Variants in CNTN5 observed in about 807,000 individuals in gnomAD.
The protein encoded by CNTN5 is contactin 5.
In CNTN5, 77 loss-of-function variants were observed where a neutral mutation model predicts 129.1. That is an observed-to-expected ratio of 0.60 (90% CI 0.50 to 0.72). CNTN5 has a LOEUF of 0.72. Among genes scored for constraint, CNTN5 ranks in the 30% least tolerant of loss-of-function variants. The probability of loss-of-function intolerance (pLI) is 0.00; values close to 1 mark genes in which losing one functional copy is unlikely to be tolerated. For missense variants in CNTN5, 1,478 were observed against 1,328.8 expected (o/e 1.11, Z -1.75); for synonymous variants, 509 against 465.6 (o/e 1.09, Z -1.20).
chr11:99,569,554 C>T (rs559252770), intron 3 of CNTN5, among the ~76,000 whole-genome samples: 6 of 152,194 alleles, frequency 3.9e-5, no homozygotes, highest in Admixed American at 2.0e-4. Context: ...CCTTGTGGTC[C>T]GCCTGCCTCG....
chr11:100,246,006 C>T (rs1949833141), intron 16 of CNTN5, among the ~76,000 whole-genome samples: 1 of 151,918 alleles, frequency 6.6e-6, no homozygotes, highest in South Asian at 2.1e-4. Flanking sequence ...TTATAAGCTC[C>T]CCAGATGGTA....
At chr11:99,258,039 C>G (rs1020882647) in intron 1 of CNTN5, among the ~76,000 whole-genome samples, 1 of 151,980 alleles carries the variant, frequency 6.6e-6, no homozygotes, top group Non-Finnish European at 1.5e-5. Context: ...GCCTTTCTCC[C>G]CCTGAACACC....
chr11:99,833,178 T>C (rs1024107244), intron 4 of CNTN5, among the ~76,000 whole-genome samples: 2 of 152,114 alleles, frequency 1.3e-5, no homozygotes, highest in Non-Finnish European at 2.9e-5. Flanking sequence ...ATGAAGGAAG[T>C]TATAAAGTTA....
Position 99,536,122 on chromosome 11 carries a change from GTCTT to G in CNTN5, c.-70-20016_-70-20013del, listed in dbSNP as rs947043161. Among the ~76,000 whole-genome samples, 8 of 152,178 alleles carry G rather than the reference GTCTT, an allele frequency of 5.3e-5. No individual in the cohort carries two copies. In the East Asian group the frequency reaches 1.5e-3, roughly 29 times the overall value. The stretch of plus-strand genomic sequence containing the variant: ...AAATATTAACTGATGAAACTGCAAT[GTCTT>G]TCTTTCAACCTCAGAAGCTAAGTAT... On this transcript the variant is annotated intron_variant, in intron 2 of 24. Transcript: ENST00000524871.
At chr11:99,616,428 C>T (rs181384952) in intron 3 of CNTN5, among the ~76,000 whole-genome samples, 54 of 152,236 alleles carry the variant, frequency 3.5e-4, no homozygotes, top group Non-Finnish European at 3.8e-4. Context: ...CCATGTACTT[C>T]ATGGTGTTAT....
chr11:99,955,131 T>C (rs1193375515), intron 7 of CNTN5, among the ~76,000 whole-genome samples: 4 of 151,076 alleles, frequency 2.6e-5, no homozygotes, highest in African/African-American at 4.8e-5. Flanking sequence ...TTTAGTAAAA[T>C]AATAAAAAAA....
intron 9 of CNTN5, among the ~76,000 whole-genome samples, chr11:100,005,044 T>C (rs1372565251): frequency 6.6e-6 from 1 of 152,090 alleles, no homozygotes; most frequent in East Asian, 1.9e-4. Flanking sequence ...GAAAACAGAA[T>C]AGCCAGCACT....
At chr11:99,189,158 C>T (rs974923879) in intron 1 of CNTN5, among the ~76,000 whole-genome samples, 43 of 151,720 alleles carry the variant, frequency 2.8e-4, no homozygotes, top group African/African-American at 9.2e-4. Flanking sequence ...ACACAAATAA[C>T]AGGATTTCTT....
chr11:99,817,999 T>C (rs1290196726), intron 3 of CNTN5, among the ~76,000 whole-genome samples: 1 of 152,172 alleles, frequency 6.6e-6, no homozygotes, highest in Non-Finnish European at 1.5e-5. Flanking sequence ...ATATACTTTT[T>C]AGAGTTTCAG....
intron 8 of CNTN5, among the ~76,000 whole-genome samples, chr11:99,999,106 C>T (rs1939672208): frequency 6.6e-6 from 1 of 151,956 alleles, no homozygotes; most frequent in Non-Finnish European, 1.5e-5. Context: ...GCAAGGACTT[C>T]ATGTCTAAAA....
At chr11:100,077,610 C>G (rs889011523) in intron 13 of CNTN5, among the ~76,000 whole-genome samples, 1 of 151,944 alleles carries the variant, frequency 6.6e-6, no homozygotes, top group Non-Finnish European at 1.5e-5. Flanking sequence ...CACTTGAGCC[C>G]AGGAGTTTGA....
intron 2 of CNTN5, among the ~76,000 whole-genome samples, chr11:99,511,174 G>T (rs921338125): frequency 6.6e-6 from 1 of 152,046 alleles, no homozygotes; most frequent in African/African-American, 2.4e-5. Flanking sequence ...TCTCTTGTGA[G>T]CATTTAGTGC....
At chr11:100,330,810 AG>A (rs1378688268) in intron 21 of CNTN5, among the ~76,000 whole-genome samples, 2 of 152,224 alleles carry the variant, frequency 1.3e-5, no homozygotes, top group African/African-American at 4.8e-5. Context: ...CAGCGCTACA[AG>A]AACTGCTAAA....
At chr11:100,302,418 C>G (rs2138900979) in intron 20 of CNTN5, among the ~76,000 whole-genome samples, 2 of 151,720 alleles carry the variant, frequency 1.3e-5, no homozygotes, top group Admixed American at 1.3e-4. Context: ...ATCCTGCTTC[C>G]TTATTCTTCC....
intron 1 of CNTN5, among the ~76,000 whole-genome samples, chr11:99,264,782 G>A (rs188973777): frequency 6.6e-6 from 1 of 152,082 alleles, no homozygotes; most frequent in East Asian, 1.9e-4. Context: ...ATAAGATATT[G>A]TCCAAGAACA....
At chr11:99,983,502 TATTGAAAAGG>T (rs201567068) in intron 8 of CNTN5, among the ~76,000 whole-genome samples, 10,667 of 152,276 alleles carry the variant, frequency 0.07, 772 homozygotes, top group East Asian at 0.31. Flanking sequence ...CTTTAATTAG[TATTGAAAAGG>T]TTTGTTATTT....
chr11:99,492,704 T>A (rs1388486195), intron 2 of CNTN5, among the ~76,000 whole-genome samples: 1 of 152,122 alleles, frequency 6.6e-6, no homozygotes, highest in Non-Finnish European at 1.5e-5. Context: ...ACAAATTCAT[T>A]CAATGTCATG....
At chr11:99,920,036 C>A (rs1949897498) in intron 7 of CNTN5, among the ~76,000 whole-genome samples, 1 of 151,964 alleles carries the variant, frequency 6.6e-6, no homozygotes, top group South Asian at 2.1e-4. Flanking sequence ...TTTTACTGGG[C>A]AGAATCTGAG....
At chr11:99,430,330 G>A (rs1046432898) in intron 2 of CNTN5, among the ~76,000 whole-genome samples, 3 of 151,454 alleles carry the variant, frequency 2.0e-5, no homozygotes, top group African/African-American at 7.3e-5. Flanking sequence ...CGAAAAGCAA[G>A]ATCCGAAAAG....
Sources: gnomAD v4.1 joint callset for allele counts (sites outside exome capture counted in the v4.1 genomes callset) on GRCh38, gnomAD v4.1.1 for gene constraint, MANE v1.5 for transcripts, NCBI Gene and HGNC (gene_info 2026-07-23, HGNC 2026-07-21) for gene names.